PRKCB: variants seen among roughly 807,000 people sequenced by gnomAD.
PRKCB encodes the protein protein kinase C beta type.
Under a neutral mutation model 81.5 loss-of-function variants are expected in PRKCB, and 13 were observed. The observed-to-expected ratio is 0.16, with a 90% confidence interval of 0.10 to 0.25. PRKCB has a LOEUF of 0.25. Among genes scored for constraint, PRKCB ranks in the 10% least tolerant of loss-of-function variants. The pLI is 1.00. For synonymous variants in PRKCB, 335 were observed against 321.4 expected, an observed-to-expected ratio of 1.04 and a Z score of -0.45; for missense variants, 509 against 875.7, an observed-to-expected ratio of 0.58 and a Z score of 5.29.
intron 5 of PRKCB, 33 bp downstream of exon 5, chr16:24,035,580 C>G (rs764975842): frequency 6.3e-7 from 1 of 1,584,348 alleles, no homozygotes; most frequent in Admixed American, 1.7e-5. Context: ...TGGCTCCTGA[C>G]CTTGCTTGAC....
intron 2 of PRKCB, among the ~76,000 whole-genome samples, chr16:23,892,228 T>A (rs1351681230): frequency 9.1e-5 from 1 of 10,952 alleles, no homozygotes; most frequent in Non-Finnish European, 1.3e-4. Flanking sequence ...TTGAGAAAAC[T>A]TACATTTTTT....
intron 16 of PRKCB, among the ~76,000 whole-genome samples, chr16:24,201,615 T>G (rs1018533627): frequency 6.6e-6 from 1 of 152,184 alleles, no homozygotes; most frequent in Admixed American, 6.5e-5. Flanking sequence ...TGACCGGGCC[T>G]GGGTCACCAG....
At chr16:23,884,945 C>CCTTTGGGATCAGGCAAACCTGGATTTG (rs61461932) in intron 2 of PRKCB, among the ~76,000 whole-genome samples, 4 of 151,878 alleles carry the variant, frequency 2.6e-5, no homozygotes, top group Non-Finnish European at 4.4e-5. Flanking sequence ...AGGTGCAGGG[C>CCTTTGGGATCAGGCAAACCTGGATTTG]ACTCCCAGGT....
chr16:23,987,285 A>G (rs1239560572), intron 2 of PRKCB, among the ~76,000 whole-genome samples: 1 of 151,706 alleles, frequency 6.6e-6, no homozygotes, highest in Non-Finnish European at 1.5e-5. Flanking sequence ...TCCTTTGAAA[A>G]TATACGTTTC....
intron 2 of PRKCB, among the ~76,000 whole-genome samples, chr16:23,867,121 CCTTTCCTTT>C (rs150782510): frequency 0.087 from 12,893 of 147,412 alleles, 671 homozygotes; most frequent in Middle Eastern, 0.17. Context: ...TTCTTCATTT[CCTTTCCTTT>C]CTTTCCTTTC....
intron 3 of PRKCB, among the ~76,000 whole-genome samples, chr16:23,997,494 A>G (rs1418216203): frequency 2.0e-5 from 3 of 152,266 alleles, no homozygotes; most frequent in African/African-American, 7.2e-5. Context: ...GAAAGTAGTT[A>G]CAAATACCAG....
chr16:24,181,061 T>G, intron 13 of PRKCB, 133 bp downstream of exon 13: 1 of 1,150,130 alleles, frequency 8.7e-7, no homozygotes, highest in Non-Finnish European at 1.2e-6. Context: ...TTCTATACTC[T>G]AAATCCTCCC....
At chr16:24,017,498 G>GCA (rs59633203) in intron 3 of PRKCB, among the ~76,000 whole-genome samples, 9,741 of 148,200 alleles carry the variant, frequency 0.066, 454 homozygotes, top group African/African-American at 0.13. Context: ...AAACACGCAG[G>GCA]CACACACACA....
Position 24,126,846 on chromosome 16 carries a change from A to AT in PRKCB, c.1065+2872dup, listed in dbSNP as rs199716519. Among the ~76,000 whole-genome samples, 1,111 of 150,876 alleles carry AT rather than the reference A, an allele frequency of 7.4e-3. 13 individuals are homozygous for AT. The highest frequency in any genetic ancestry group is 0.024 in the African/African-American group (974 of 41,094). Reference sequence around the variant, plus strand: ...CCACCGCACCTGACCTAATTTTTGTATTTTTTTGTAGAGACATGGTCTCAC... The same window carrying AT: ...CCACCGCACCTGACCTAATTTTTGTATTTTTTTTGTAGAGACATGGTCTCAC... On this transcript the variant is annotated intron_variant, in intron 9 of 16. Coordinates refer to ENST00000643927, the MANE Select transcript of PRKCB (RefSeq NM_002738.7).
chr16:23,866,475 C>T (rs956537057), intron 2 of PRKCB, among the ~76,000 whole-genome samples: 4 of 152,110 alleles, frequency 2.6e-5, no homozygotes, highest in African/African-American at 9.7e-5. Flanking sequence ...AATTTAGTCC[C>T]CTCTACCTTC....
chr16:23,956,267 G>A (rs758210082), intron 2 of PRKCB, among the ~76,000 whole-genome samples: 3 of 152,054 alleles, frequency 2.0e-5, no homozygotes, highest in African/African-American at 2.4e-5. Flanking sequence ...ACAGGCACGC[G>A]CCACCACGTC....
At chr16:23,892,831 A>C (rs758722168) in intron 2 of PRKCB, 1 of 152,228 alleles carries the variant, frequency 6.6e-6, no homozygotes, top group Non-Finnish European at 1.5e-5. Context: ...AGTTAGCTTC[A>C]GAACTAGAAT....
chr16:23,911,004 T>C (rs1251884126), intron 2 of PRKCB, among the ~76,000 whole-genome samples: 1 of 152,138 alleles, frequency 6.6e-6, no homozygotes, highest in Non-Finnish European at 1.5e-5. Flanking sequence ...CTCATTCCTC[T>C]TAATGGTTAG....
chr16:24,076,610 A>T (rs898293376), intron 5 of PRKCB, among the ~76,000 whole-genome samples: 1 of 152,190 alleles, frequency 6.6e-6, no homozygotes, highest in African/African-American at 2.4e-5. Context: ...TCAGGGTACA[A>T]GTGACAGAAT....
intron 2 of PRKCB, among the ~76,000 whole-genome samples, chr16:23,857,399 G>T (rs150505704): frequency 2.0e-5 from 3 of 152,292 alleles, no homozygotes; most frequent in Admixed American, 1.3e-4. Context: ...GCAGAGAGCC[G>T]CCAGAAGATG....
chr16:23,911,674 C>T (rs546576619), intron 2 of PRKCB, among the ~76,000 whole-genome samples: 24 of 152,104 alleles, frequency 1.6e-4, no homozygotes, highest in Non-Finnish European at 2.4e-4. Context: ...TGACCTCCTC[C>T]ATCAACTGTT....
chr16:23,879,973 C>T (rs763507296), intron 2 of PRKCB, among the ~76,000 whole-genome samples: 1 of 152,134 alleles, frequency 6.6e-6, no homozygotes, highest in Non-Finnish European at 1.5e-5. Flanking sequence ...ATAAAAACAC[C>T]GATCTCATAG....
At chr16:24,195,064 G>A (rs1007932134) in intron 16 of PRKCB, among the ~76,000 whole-genome samples, 2 of 152,062 alleles carry the variant, frequency 1.3e-5, no homozygotes, top group East Asian at 1.9e-4. Flanking sequence ...GTTGGTGGGC[G>A]TGATAGCATC....
chr16:24,101,587 A>C (rs1966508964), intron 7 of PRKCB, among the ~76,000 whole-genome samples: 1 of 152,262 alleles, frequency 6.6e-6, no homozygotes, highest in Non-Finnish European at 1.5e-5. Context: ...TTGAACTGAA[A>C]CTAACTTCTT....
Sources: gnomAD v4.1 joint callset for allele counts (sites outside exome capture counted in the v4.1 genomes callset) on GRCh38, gnomAD v4.1.1 for gene constraint, MANE v1.5 for transcripts, NCBI Gene and HGNC (gene_info 2026-07-23, HGNC 2026-07-21) for gene names.